Variants in CDC42BPG observed in about 807,000 individuals in gnomAD.
The protein encoded by CDC42BPG is CDC42 binding protein kinase gamma.
Under a neutral mutation model 192.2 loss-of-function variants are expected in CDC42BPG, and 157 were observed. That is an observed-to-expected ratio of 0.82 (90% CI 0.72 to 0.93). The LOEUF (loss-of-function observed/expected upper bound fraction) is 0.93, where lower values mean the gene tolerates loss of function less well. Ranked by LOEUF, CDC42BPG falls within the 40% of genes least tolerant of loss-of-function variation. The pLI, the probability that CDC42BPG is intolerant of heterozygous loss-of-function variation, is 0.00. For missense variants in CDC42BPG, 1,992 were observed against 2,122.1 expected, an observed-to-expected ratio of 0.94 and a Z score of 1.20; for synonymous variants, 981 against 918.5, an observed-to-expected ratio of 1.07 and a Z score of -1.23.
At chr11:64,826,425 C>T (rs1463711568) in intron 36 of CDC42BPG, 45 bp downstream of exon 36, 2 of 1,385,640 alleles carry the variant, frequency 1.4e-6, no homozygotes, top group Non-Finnish European at 2.0e-6. Context: ...ACGGAACTGC[C>T]TGACGTTTGA....
intron 28 of CDC42BPG, 24 bp downstream of exon 28, chr11:64,831,481 C>A (rs372819839): frequency 6.3e-7 from 1 of 1,592,200 alleles, no homozygotes; most frequent in East Asian, 2.2e-5. Flanking sequence ...GAACTGCTTC[C>A]TCCAGTCCCC....
intron 28 of CDC42BPG, among the ~76,000 whole-genome samples, chr11:64,831,099 T>A (rs1942663329): frequency 1.3e-5 from 2 of 152,030 alleles, no homozygotes; most frequent in Admixed American, 1.3e-4. Flanking sequence ...ATGCCTGCAA[T>A]CCCAGCTACT....
intron 3 of CDC42BPG, 142 bp downstream of exon 3, chr11:64,841,508 C>A: frequency 1.5e-6 from 1 of 669,488 alleles, no homozygotes; most frequent in Non-Finnish European, 2.7e-6. Context: ...AGAAAGATAA[C>A]AAATCAGTGG....
rs146684529 is a variant in CDC42BPG at position 64,838,669 on chromosome 11, G to A, written c.1110C>T (p.Asp370=). The A allele has an allele frequency of 2.0e-5, 33 of 1,612,858 alleles. No homozygotes were observed. The African/African-American group carries it at 2.8e-4, about 14-fold the overall frequency. ...TGCCACTCACTGGATGGTTGAGGGT[G>A]TCGTCATCCACATCAAAGTTGGAGG... ...MDTSNFDVDD[D]TLNHPGTLPP... The change falls in exon 8 of 37, where the codon GAC becomes GAT. Residue 370 remains aspartate (D), a synonymous_variant. Transcript: ENST00000342711.
At chr11:64,835,008 C>T (rs1425862220) in intron 17 of CDC42BPG, 39 bp downstream of exon 17, 25 of 1,611,124 alleles carry the variant, frequency 1.6e-5, no homozygotes, top group Non-Finnish European at 1.8e-5. Flanking sequence ...CCCTCAGTCT[C>T]GCCTGCGTTC....
chr11:64,826,702 GC>G lies in CDC42BPG; in HGVS notation c.4481del (p.Gly1494AlafsTer12). ...SEALRRPASMGSEGLGGDADP... is the reference protein window; with the variant it reads ...SEALRRPASMXSEGLGGDADP... Reference sequence around the variant, plus strand: ...CTGCGTCTCCACCGAGGCCTTCGCTGCCCATGGAGGCTGGGCGCCGCAACGC... The same window carrying G: ...CTGCGTCTCCACCGAGGCCTTCGCTGCCATGGAGGCTGGGCGCCGCAACGC... On this transcript the variant is annotated frameshift_variant, in exon 35 of 37. Transcript: ENST00000342711. LOFTEE classifies it high-confidence loss of function. 6.4e-7 allele frequency: 1 copy of G among 1,556,168 alleles called. No individual in the cohort carries two copies. Among genetic ancestry groups the G allele is most frequent in the Non-Finnish European group, 8.7e-7 (1 of 1,151,582 alleles).
intron 23 of CDC42BPG, 47 bp from the exon 24 acceptor site, chr11:64,833,383 C>T (rs1419282117): frequency 1.8e-6 from 2 of 1,119,906 alleles, no homozygotes; most frequent in Admixed American, 2.3e-5. Flanking sequence ...GGGCCCCATG[C>T]CCCATCCCTG....
chr11:64,831,615 T>C lies in CDC42BPG; in HGVS notation c.3194A>G (p.Gln1065Arg). The change falls in exon 28 of 37, where the codon CAG (glutamine) becomes CGG (arginine). Residue 1065 changes from glutamine (Q) to arginine (R), a missense_variant. Physicochemically the swap from Gln to Arg is conservative, Grantham distance 43. This residue lies in a region of CDC42BPG where 1,656 missense variants were observed against 1,844.3 expected (regional missense o/e 0.90). Coordinates refer to ENST00000342711, the MANE Select transcript of CDC42BPG (RefSeq NM_017525.3). ...TGGCCGCGCGTCCAGCAGCAGCCGCTGCAGCTCACCCAGCACCTGCAGCCA... is the reference window on the plus strand; with the variant it reads ...TGGCCGCGCGTCCAGCAGCAGCCGCCGCAGCTCACCCAGCACCTGCAGCCA... ...ERWLQVLGEL[Q>R]RLLLDARPRP... 6.2e-7 allele frequency: 1 copy of C among 1,611,992 alleles called. No homozygotes were observed. The highest frequency in any genetic ancestry group is 1.1e-5 in the South Asian group (1 of 91,046).
chr11:64,830,015 A>C lies in CDC42BPG; in HGVS notation c.3423T>G (p.Ser1141Arg). Residue 1141 changes from serine to arginine, a missense_variant, in exon 30 of 37, where the codon AGT becomes AGG. Ser to Arg is a moderately radical substitution (Grantham distance 110). Transcript: ENST00000342711. ...CACACAGCACGACCAGCAGGCCTGC[A>C]CTGGGGCTCAAGGTCAGCTGCTGCA... The part of the protein sequence containing the change: ...RRVQQLTLSP[S>R]AGLLVVLCGR... The C allele has an allele frequency of 6.2e-7, 1 of 1,612,432 alleles. No individual in the cohort carries two copies. The highest frequency in any genetic ancestry group is 8.5e-7 in the Non-Finnish European group (1 of 1,179,374).
Position 64,833,992 on chromosome 11 carries a change from T to C in CDC42BPG, c.2414-15A>G. On this transcript the variant is annotated splice_polypyrimidine_tract_variant and intron_variant, in intron 20 of 36. Transcript: ENST00000342711. Reference sequence around the variant, plus strand: ...GGGCTTGGTGTCTGCAAAGAAAGGGTGGGTCACTGGCCTGGGGTCCCTGGC... The same window carrying C: ...GGGCTTGGTGTCTGCAAAGAAAGGGCGGGTCACTGGCCTGGGGTCCCTGGC... The C allele has an allele frequency of 6.2e-7, 1 of 1,613,902 alleles. No homozygotes were observed. Among genetic ancestry groups the C allele is most frequent in the Non-Finnish European group, 8.5e-7 (1 of 1,179,932 alleles).
Position 64,838,729 on chromosome 11 carries a change from G to A in CDC42BPG, c.1050C>T (p.Ala350=). 8.1e-6 allele frequency: 13 copies of A among 1,613,078 alleles called. No homozygotes were observed. The highest frequency in any genetic ancestry group is 1.1e-5 in the Non-Finnish European group (13 of 1,180,036). Reference sequence around the variant, plus strand: ...GCCCCCGCAGCTCAGGAATATAGGGGGCCGTGCTGCTCGCCAGCCGCTCCC... The same window carrying A: ...GCCCCCGCAGCTCAGGAATATAGGGAGCCGTGCTGCTCGCCAGCCGCTCCC... ...VDWERLASST[A]PYIPELRGPM... is the part of the protein sequence containing the mutation. Residue 350 remains alanine, a synonymous_variant, in exon 8 of 37, where the codon GCC becomes GCT. Coordinates refer to ENST00000342711, the MANE Select transcript of CDC42BPG (RefSeq NM_017525.3).
At chr11:64,824,830 C>A (rs923100040) in intron 36 of CDC42BPG, among the ~76,000 whole-genome samples, 1 of 152,182 alleles carries the variant, frequency 6.6e-6, no homozygotes, top group Admixed American at 6.5e-5. Flanking sequence ...TCACTGCAAC[C>A]TCTGCCTCCC....
chr11:64,830,203 G>C lies in CDC42BPG; in HGVS notation c.3358C>G (p.Arg1120Gly). Residue 1120 changes from arginine to glycine, a missense_variant, in exon 29 of 37, where the codon CGC (arginine) becomes GGC (glycine). Physicochemically the swap from Arg to Gly is moderately radical, Grantham distance 125. This residue lies in a region of CDC42BPG where 1,656 missense variants were observed against 1,844.3 expected (regional missense o/e 0.90). Coordinates refer to ENST00000342711, the MANE Select transcript of CDC42BPG (RefSeq NM_017525.3). ...CAGCTTTGATAGGTACCGTTGCTGC[G>C]CAGATGGATGACAAAGAGCCCCTCC... ...TEEGLFVIHL[R>G]SNDIFQVGEC... 6.2e-7 allele frequency: 1 copy of C among 1,613,538 alleles called. No individual in the cohort carries two copies. The highest frequency in any genetic ancestry group is 8.5e-7 in the Non-Finnish European group (1 of 1,179,778).
chr11:64,828,496 A>G (rs12365548), intron 30 of CDC42BPG, among the ~76,000 whole-genome samples: 31,964 of 152,250 alleles, frequency 0.21, 4,223 homozygotes, highest in East Asian at 0.52. Context: ...GAAAGGACCA[A>G]TGACGGGGAA....
rs1942802455 is a variant in CDC42BPG at position 64,833,429 on chromosome 11, C to T, written c.2626-93G>A. The T allele has an allele frequency of 3.1e-6, 3 of 961,594 alleles. No individual in the cohort carries two copies. In the South Asian group the frequency reaches 4.9e-5, roughly 16 times the overall value. 59.6% of individuals were successfully genotyped at this position (961,594 alleles called of 1,614,324 possible). A position where few individuals can be genotyped will look rare whatever the true frequency, so the allele number is the denominator to read the frequency against. The stretch of plus-strand genomic sequence containing the variant: ...AAAGACAAGGGGCTGAGCCAGGCAA[C>T]AGTGACCTCCGAGTCCCAGCCAATC... On this transcript the variant is annotated intron_variant, in intron 23 of 36. Transcript: ENST00000342711.
chr11:64,838,247 G>T lies in CDC42BPG; in HGVS notation c.1126-85C>A. 5 of 1,045,620 alleles carry T rather than the reference G, an allele frequency of 4.8e-6. No individual in the cohort carries two copies. The South Asian group carries it at 6.1e-5, about 13-fold the overall frequency. The allele number at this position is 1,045,620 out of a possible 1,614,324, so 64.8% of individuals were successfully genotyped here. Reference sequence around the variant, plus strand: ...CCAGGAGCCCCCTGGGACCAGGTGCGACCACCTCCTGCACAGGTGGGAACT... The same window carrying T: ...CCAGGAGCCCCCTGGGACCAGGTGCTACCACCTCCTGCACAGGTGGGAACT... On this transcript the variant is annotated intron_variant, in intron 8 of 36. Transcript: ENST00000342711.
In CDC42BPG at chr11:64,836,773, C is replaced by G; in HGVS notation, c.1350G>C (p.Arg450=). ...TGTCCCGCAGAGTCTGCACTTCCTT[C>G]CGTAGCTGCTCCAGCTCCCGATGGT... ...PTDHRELEQL[R]KEVQTLRDRL... Residue 450 remains arginine (R), a synonymous_variant, in exon 11 of 37, where the codon CGG becomes CGC. Transcript: ENST00000342711. 1 of 1,579,392 alleles carries G rather than the reference C, an allele frequency of 6.3e-7. No homozygotes were observed. Among genetic ancestry groups the G allele is most frequent in the Non-Finnish European group, 8.6e-7 (1 of 1,164,506 alleles).
intron 29 of CDC42BPG, 59 bp downstream of exon 29, chr11:64,830,135 C>T: frequency 6.2e-7 from 1 of 1,611,558 alleles, no homozygotes; most frequent in Non-Finnish European, 8.5e-7. Flanking sequence ...TCCCCATCCT[C>T]CTCTGCCCGC....
rs1942899285 is a variant in CDC42BPG, at chr11:64,834,878, C to T, written c.2146G>A (p.Gly716Ser). The change falls in exon 18 of 37, where the codon GGC (glycine) becomes AGC (serine). Residue 716 changes from glycine (G) to serine (S), a missense_variant. Physicochemically the swap from Gly to Ser is moderately conservative, Grantham distance 56. This residue lies in a region of CDC42BPG where 1,656 missense variants were observed against 1,844.3 expected (regional missense o/e 0.90). Coordinates refer to ENST00000342711, the MANE Select transcript of CDC42BPG (RefSeq NM_017525.3). The part of the protein sequence containing the change: ...AEELESLRNV[G>S]TQTLPARPLD... Reference sequence around the variant, plus strand: ...GGCCGGGCAGGGAGCGTCTGGGTGCCTACGTTCCTCAAGGACTCCAGCTCC... The same window carrying T: ...GGCCGGGCAGGGAGCGTCTGGGTGCTTACGTTCCTCAAGGACTCCAGCTCC... 6.2e-7 allele frequency: 1 copy of T among 1,613,808 alleles called. No homozygotes were observed. Among genetic ancestry groups the T allele is most frequent in the Non-Finnish European group, 8.5e-7 (1 of 1,180,014 alleles).
Sources: allele counts gnomAD v4.1 joint callset (sites outside exome capture counted in the v4.1 genomes callset), GRCh38; gene constraint gnomAD v4.1.1; regional missense constraint gnomAD v4.1.1; transcripts MANE v1.5; gene names NCBI Gene and HGNC (gene_info 2026-07-23, HGNC 2026-07-21).